SYNRG: variants seen among roughly 807,000 people sequenced by gnomAD.
SYNRG encodes the protein synergin gamma.
In SYNRG, 37 loss-of-function variants were observed where a neutral mutation model predicts 130.9. The observed-to-expected ratio is 0.28, with a 90% CI of 0.22 to 0.37. The LOEUF is 0.37. Among genes scored for constraint, SYNRG ranks in the 10% least tolerant of loss-of-function variants. The probability of loss-of-function intolerance (pLI) is 1.00; values close to 1 mark genes in which losing one functional copy is unlikely to be tolerated. For synonymous variants in SYNRG, 539 were observed against 568.1 expected, an observed-to-expected ratio of 0.95 and a Z score of 0.73; for missense variants, 1,338 against 1,588.9, an observed-to-expected ratio of 0.84 and a Z score of 2.68.
intron 3 of SYNRG, among the ~76,000 whole-genome samples, chr17:37,595,835 A>G (rs1783850590): frequency 6.6e-6 from 1 of 150,976 alleles, no homozygotes; most frequent in Non-Finnish European, 1.5e-5. Flanking sequence ...GCTCACTGCA[A>G]CCTCCACCTC....
intron 13 of SYNRG, among the ~76,000 whole-genome samples, chr17:37,560,388 T>G (rs1598345997): frequency 6.7e-6 from 1 of 150,100 alleles, no homozygotes; most frequent in Non-Finnish European, 1.5e-5. Flanking sequence ...CAGGCTGGAG[T>G]GCAGTGGCAT....
Position 37,602,552 on chromosome 17 carries a change from A to G in SYNRG, c.78-2149T>C. On this transcript the variant is annotated intron_variant, in intron 1 of 21. Transcript: ENST00000612223. ...AGTAGTTACCAGTGTCTAATGCTGTAGAATAGCGGTGAGAATGAAGATTAA... is the reference window on the plus strand; with the variant it reads ...AGTAGTTACCAGTGTCTAATGCTGTGGAATAGCGGTGAGAATGAAGATTAA... Among the ~76,000 whole-genome samples, 2 of 152,246 alleles carry G rather than the reference A, an allele frequency of 1.3e-5. 1 individual carries two copies. The highest frequency in any genetic ancestry group is 2.9e-5 in the Non-Finnish European group (2 of 68,046).
intron 19 of SYNRG, among the ~76,000 whole-genome samples, chr17:37,528,422 C>A (rs1404001542): frequency 6.6e-6 from 1 of 151,910 alleles, no homozygotes; most frequent in Non-Finnish European, 1.5e-5. Flanking sequence ...ATCGGCAGGC[C>A]CTAGGTGCAA....
intron 19 of SYNRG, among the ~76,000 whole-genome samples, chr17:37,532,448 G>A (rs2056727158): frequency 6.6e-6 from 1 of 152,156 alleles, no homozygotes; most frequent in Non-Finnish European, 1.5e-5. Context: ...AGAGGTGGGT[G>A]AATTACTTGA....
At chr17:37,580,035 G>A (rs1424292594) in intron 6 of SYNRG, among the ~76,000 whole-genome samples, 3 of 152,026 alleles carry the variant, frequency 2.0e-5, no homozygotes, top group Admixed American at 2.0e-4. Flanking sequence ...TATTTTTGCA[G>A]TTGAAATGAT....
At chr17:37,528,349 T>C (rs2056207736) in intron 19 of SYNRG, among the ~76,000 whole-genome samples, 2 of 152,278 alleles carry the variant, frequency 1.3e-5, no homozygotes, top group South Asian at 4.1e-4. Flanking sequence ...TAAGGACTCA[T>C]CATGTGATTA....
At chr17:37,521,253 C>T (rs1366914145) in intron 19 of SYNRG, among the ~76,000 whole-genome samples, 1 of 152,050 alleles carries the variant, frequency 6.6e-6, no homozygotes, top group East Asian at 1.9e-4. Flanking sequence ...TGGTCTTGAA[C>T]TCCTGATTGC....
At chr17:37,603,354 T>TAACAAC (rs911970870) in intron 1 of SYNRG, among the ~76,000 whole-genome samples, 1 of 151,908 alleles carries the variant, frequency 6.6e-6, no homozygotes, top group Non-Finnish European at 1.5e-5. Context: ...ATAATAATAA[T>TAACAAC]AACAACAACA....
chr17:37,594,240 TATTAATTATTTTAATTATATTAATTAC>T, intron 3 of SYNRG, among the ~76,000 whole-genome samples: 2 of 144,848 alleles, frequency 1.4e-5, no homozygotes, highest in African/African-American at 2.5e-5. Context: ...TTAATTACAA[TATTAATTATTTTAATTATATTAATTAC>T]AATAATATTA....
intron 13 of SYNRG, 56 bp downstream of exon 13, chr17:37,561,139 C>T (rs2059499366): frequency 2.0e-6 from 3 of 1,464,130 alleles, no homozygotes; most frequent in Non-Finnish European, 2.9e-6. Context: ...CCATCGAAAA[C>T]CCCTTTTTTA....
chr17:37,519,138 C>A (rs2054665954), intron 21 of SYNRG, 67 bp from the exon 22 acceptor site: 1 of 1,579,058 alleles, frequency 6.3e-7, no homozygotes, highest in African/African-American at 1.3e-5. Flanking sequence ...TTTTCAGCAA[C>A]CAACATGTAC....
Position 37,571,939 on chromosome 17 carries a change from T to C in SYNRG, c.950A>G (p.Asp317Gly), listed in dbSNP as rs1469335654. Residue 317 changes from aspartate (D) to glycine (G), a missense_variant, in exon 9 of 22, where the codon GAT (aspartate) becomes GGT (glycine). By Grantham distance (94) the Asp-to-Gly change is moderately conservative. Coordinates refer to ENST00000612223, the MANE Select transcript of SYNRG (RefSeq NM_007247.6). ...CAGAATGGGATACAGTTTGGCAGTA[T>C]CTATTCCAGTTGGAGTCATTGTGGT... The part of the protein sequence containing the change: ...LETTMTPTGI[D>G]TAKLYPILMS... 1 of 1,614,064 alleles carries C rather than the reference T, an allele frequency of 6.2e-7. No homozygotes were observed. Among genetic ancestry groups the C allele is most frequent in the Non-Finnish European group, 8.5e-7 (1 of 1,180,044 alleles).
chr17:37,597,500 CTTCT>C (rs1284930663), intron 2 of SYNRG, among the ~76,000 whole-genome samples: 1 of 152,242 alleles, frequency 6.6e-6, no homozygotes, highest in Non-Finnish European at 1.5e-5. Flanking sequence ...GGGCAATCTG[CTTCT>C]TTCTATGCCT....
chr17:37,529,960 CTAAATG>C, intron 19 of SYNRG: 1 of 975,860 alleles, frequency 1.0e-6, no homozygotes, highest in Non-Finnish European at 1.5e-6. Context: ...ACCTTAAAAT[CTAAATG>C]TAAAGAAGGA....
chr17:37,529,787 T>C, intron 19 of SYNRG: 1 of 1,551,514 alleles, frequency 6.4e-7, no homozygotes. Flanking sequence ...TGATACCTTT[T>C]CTTCTAAGAG....
chr17:37,520,121 G>A, intron 21 of SYNRG, 58 bp downstream of exon 21: 2 of 1,576,032 alleles, frequency 1.3e-6, no homozygotes, highest in Non-Finnish European at 1.7e-6. Context: ...CATCCAATTT[G>A]CCCTCCACAC....
rs1568485002 is a variant in SYNRG at position 37,585,390 on chromosome 17, T to C, written c.412A>G (p.Arg138Gly). ...EQQQKLLEEE[R>G]KRRQFEEQKQ... is the part of the protein sequence containing the mutation. ...TGCTCTTCAAACTGGCGTCTTTTTC[T>C]TTCTTCTTCTAAGAGTTTTTGCTGC... The change falls in exon 5 of 22, where the codon AGA becomes GGA. Residue 138 changes from arginine (R) to glycine (G), a missense_variant. Physicochemically the swap from Arg to Gly is moderately radical, Grantham distance 125. Transcript: ENST00000612223. 1 of 1,613,892 alleles carries C rather than the reference T, an allele frequency of 6.2e-7. No homozygotes were observed. Among genetic ancestry groups the C allele is most frequent in the Non-Finnish European group, 8.5e-7 (1 of 1,180,030 alleles).
chr17:37,531,240 TGAAC>T (rs531897765), intron 19 of SYNRG, among the ~76,000 whole-genome samples: 240 of 151,896 alleles, frequency 1.6e-3, no homozygotes, highest in African/African-American at 5.6e-3. Context: ...CTCTAAACAA[TGAAC>T]AAACAGGTAA....
intron 14 of SYNRG, among the ~76,000 whole-genome samples, chr17:37,543,345 A>C (rs947930845): frequency 1.3e-5 from 2 of 151,918 alleles, no homozygotes; most frequent in African/African-American, 4.9e-5. Flanking sequence ...AAGAAGAAAA[A>C]GAAAGAACTG....
Sources: gnomAD v4.1 joint callset for allele counts (sites outside exome capture counted in the v4.1 genomes callset) on GRCh38, gnomAD v4.1.1 for gene constraint, MANE v1.5 for transcripts, NCBI Gene and HGNC (gene_info 2026-07-23, HGNC 2026-07-21) for gene names.